The following DMRT2 variants were observed in gnomAD, a reference collection of about 807,000 sequenced individuals.
DMRT2 encodes the protein doublesex- and mab-3-related transcription factor 2.
In DMRT2, 33 loss-of-function variants were observed where a neutral mutation model predicts 43.5. That is an observed-to-expected ratio of 0.76 (90% CI 0.58 to 1.01). The LOEUF (loss-of-function observed/expected upper bound fraction) is 1.01. Ranked by LOEUF, DMRT2 falls within the 50% of genes least tolerant of loss-of-function variation. DMRT2 has a pLI of 0.00. For synonymous variants in DMRT2, 395 were observed against 309.2 expected (o/e 1.28, Z -2.91); for missense variants, 1,064 against 748.0 (o/e 1.42, Z -4.93).
Position 1,051,391 on chromosome 9 carries a change from T to A in DMRT2, c.-44-179T>A, listed in dbSNP as rs1821562580. On this transcript the variant is annotated intron_variant, in intron 1 of 3. Coordinates refer to ENST00000358146, the MANE Select transcript of DMRT2 (RefSeq NM_181872.6). This position sits in a 1 kb window ranked among gnomAD's most constrained non-coding sequence, Gnocchi z 5.9. The stretch of plus-strand genomic sequence containing the variant: ...AATAAAACCTTTGTTGGGTTGTGGA[T>A]CCCTGGGGGCCCTGGAGATACAGGA... Among the ~76,000 whole-genome samples the A allele has an allele frequency of 6.6e-6, 1 of 152,092 alleles. No individual in the cohort carries two copies. Among genetic ancestry groups the A allele is most frequent in the Non-Finnish European group, 1.5e-5 (1 of 68,000 alleles).
At position 1,052,288 on chromosome 9, in the gene DMRT2, C is replaced by T. The variant is rs188689675; in HGVS notation, c.525+150C>T. 116 of 540,434 alleles carry T rather than the reference C, an allele frequency of 2.1e-4. No homozygotes were observed. The East Asian group carries it at 4.0e-3, about 19-fold the overall frequency. 33.5% of individuals were successfully genotyped at this position (540,434 alleles called of 1,614,324 possible). A position where few individuals can be genotyped will look rare whatever the true frequency, so the allele number is the denominator to read the frequency against. On this transcript the variant is annotated intron_variant, in intron 2 of 3. Transcript: ENST00000358146. ...GATGGTAAGAACGCTTTTCTGCTTG[C>T]ACTGGCGAGCAGGGTCGGGAGGGAA...
intron 2 of DMRT2, chr9:1,053,241 T>A (rs1485537988): frequency 2.0e-5 from 3 of 153,532 alleles, no homozygotes; most frequent in African/African-American, 7.2e-5. Flanking sequence ...CATCTCTTCA[T>A]TCCCCTATCA....
chr9:1,056,508 T>G lies in DMRT2; in HGVS notation c.921T>G (p.Leu307=). The change falls in exon 4 of 4, where the codon CTT becomes CTG. Residue 307 remains leucine, a synonymous_variant. Transcript: ENST00000358146. The part of the protein sequence containing the change: ...KDFCNFLPTC[L]DLTMQYSGSG... ...TCTGTAATTTTTTGCCCACCTGCCT[T>G]GATTTAACCATGCAGTATTCAGGGT... The G allele has an allele frequency of 6.2e-7, 1 of 1,614,206 alleles. No homozygotes were observed. The highest frequency in any genetic ancestry group is 1.3e-5 in the African/African-American group (1 of 75,050).
chr9:1,052,183 G>C (rs1458155944), intron 2 of DMRT2, 45 bp downstream of exon 2: 7 of 1,307,522 alleles, frequency 5.4e-6, no homozygotes, highest in Non-Finnish European at 1.9e-6. Context: ...CAGTGGAGGT[G>C]GGGGAGTTGG....
chr9:1,056,611 T>A lies in DMRT2; in HGVS notation c.1024T>A (p.Leu342Ile). ...ACAGTATCCCTTGTCCTCAAGATTT[T>A]TAGTTTGGCCCAAGTGTGGCCCCAT... ...YRQYPLSSRF[L>I]VWPKCGPISD... The change falls in exon 4 of 4, where the codon TTA (leucine) becomes ATA (isoleucine). Residue 342 changes from leucine to isoleucine, a missense_variant. Physicochemically the swap from Leu to Ile is conservative, Grantham distance 5 (BLOSUM62 2). Coordinates refer to ENST00000358146, the MANE Select transcript of DMRT2 (RefSeq NM_181872.6). 6.2e-7 allele frequency: 1 copy of A among 1,614,176 alleles called. No homozygotes were observed. Among genetic ancestry groups the A allele is most frequent in the Non-Finnish European group, 8.5e-7 (1 of 1,180,036 alleles).
chr9:1,053,863 G>T, intron 3 of DMRT2, 39 bp downstream of exon 3: 1 of 1,515,500 alleles, frequency 6.6e-7, no homozygotes, highest in Non-Finnish European at 9.2e-7. Flanking sequence ...TTTAAACAGA[G>T]TTGAGTGACT....
rs758237833 is a variant in DMRT2 at position 1,056,953 on chromosome 9, A to T, written c.1366A>T (p.Ser456Cys). ...AAQGHVLTKISKENTRHPLPL... is the reference protein window; with the variant it reads ...AAQGHVLTKICKENTRHPLPL... ...TCAAGGGCATGTCTTAACGAAGATC[A>T]GCAAAGAAAACACCAGGCACCCTCT... Residue 456 changes from serine to cysteine, a missense_variant, in exon 4 of 4, where the codon AGC becomes TGC. Ser to Cys is a moderately radical substitution (Grantham distance 112, BLOSUM62 -1). Coordinates refer to ENST00000358146, the MANE Select transcript of DMRT2 (RefSeq NM_181872.6). The T allele has an allele frequency of 1.9e-6, 3 of 1,614,214 alleles. No homozygotes were observed. The South Asian group carries it at 3.3e-5, about 18-fold the overall frequency.
rs776920272 is a variant in DMRT2, at chr9:1,051,687, A to G, written c.74A>G (p.Asp25Gly). The change falls in exon 2 of 4, where the codon GAC becomes GGC. Residue 25 changes from aspartate (D) to glycine (G), a missense_variant. Asp to Gly is a moderately conservative substitution (Grantham distance 94). Transcript: ENST00000358146. The surrounding 1 kb of genome is among the most constrained non-coding windows in gnomAD (Gnocchi z 5.9). ...GTCGAGAGCCTGGAGCTGGAAGAGG[A>G]CGTCTGCGGGGCGCCGCGGTCCACG... ...IDVESLELEE[D>G]VCGAPRSTPP... 3.2e-6 allele frequency: 5 copies of G among 1,563,634 alleles called. No individual in the cohort carries two copies. In the East Asian group the frequency reaches 1.2e-4, roughly 38 times the overall value.
chr9:1,052,035 T>A lies in DMRT2; in HGVS notation c.422T>A (p.Phe141Tyr), dbSNP rs1735788342. 1 of 1,474,866 alleles carries A rather than the reference T, an allele frequency of 6.8e-7. No individual in the cohort carries two copies. Among genetic ancestry groups the A allele is most frequent in the Non-Finnish European group, 8.9e-7 (1 of 1,119,556 alleles). The allele number at this position is 1,474,866 out of a possible 1,614,324, so 91.4% of individuals were successfully genotyped here. ...TCCTGCCTGAAGGGCCACAAGCGCT[T>A]CTGTCGCTGGCGCGACTGCCAGTGC... ...VVSCLKGHKR[F>Y]CRWRDCQCAN... Residue 141 changes from phenylalanine to tyrosine, a missense_variant, in exon 2 of 4, where the codon TTC (phenylalanine) becomes TAC (tyrosine). Phe to Tyr is a conservative substitution (Grantham distance 22, BLOSUM62 3). Coordinates refer to ENST00000358146, the MANE Select transcript of DMRT2 (RefSeq NM_181872.6).
chr9:1,055,708 C>G (rs1223938524), intron 3 of DMRT2: 1 of 1,455,760 alleles, frequency 6.9e-7, no homozygotes, highest in Non-Finnish European at 9.1e-7. Flanking sequence ...TTCTTTCTTT[C>G]TCTTTTTTCC....
chr9:1,056,786 G>T lies in DMRT2; in HGVS notation c.1199G>T (p.Gly400Val), dbSNP rs1364902520. 6.2e-7 allele frequency: 1 copy of T among 1,614,122 alleles called. No individual in the cohort carries two copies. The highest frequency in any genetic ancestry group is 8.5e-7 in the Non-Finnish European group (1 of 1,180,026). Residue 400 changes from glycine to valine, a missense_variant, in exon 4 of 4, where the codon GGT (glycine) becomes GTT (valine). Transcript: ENST00000358146. ...GACATGATGCCATCGAAATTGGAAG[G>T]TTCCCTGGTGCTGCCTCACACTCCT... ...EQDMMPSKLE[G>V]SLVLPHTPEI...
chr9:1,051,814 G>T lies in DMRT2; in HGVS notation c.201G>T (p.Glu67Asp). Residue 67 changes from glutamate to aspartate, a missense_variant, in exon 2 of 4, where the codon GAG becomes GAT. Physicochemically the swap from Glu to Asp is conservative, Grantham distance 45. Transcript: ENST00000358146. This position sits in a 1 kb window ranked among gnomAD's most constrained non-coding sequence, Gnocchi z 5.9. ...CGGAAGAAGAGGGCGACGGCGAGGA[G>T]GCAGGCGCGTCCCCCGGGATGCCCG... ...EDAEEEGDGE[E>D]AGASPGMPGQ... 6.8e-7 allele frequency: 1 copy of T among 1,474,962 alleles called. No individual in the cohort carries two copies. Among genetic ancestry groups the T allele is most frequent in the African/African-American group, 1.5e-5 (1 of 67,830 alleles). The allele number at this position is 1,474,962 out of a possible 1,614,324, so 91.4% of individuals were successfully genotyped here. A position where few individuals can be genotyped will look rare whatever the true frequency, so the allele number is the denominator to read the frequency against.
At chr9:1,053,966 C>A in intron 3 of DMRT2, 142 bp downstream of exon 3, 1 of 635,716 alleles carries the variant, frequency 1.6e-6, no homozygotes, top group Non-Finnish European at 2.6e-6. Context: ...TTTAGGTGTT[C>A]GCTGAGCCCG....
intron 2 of DMRT2, 29 bp from the exon 3 acceptor site, chr9:1,053,693 A>C: frequency 6.3e-7 from 1 of 1,590,268 alleles, no homozygotes. Flanking sequence ...CTTTCAGGGC[A>C]TTATTGATGA....
chr9:1,056,974 C>T lies in DMRT2; in HGVS notation c.1387C>T (p.Pro463Ser). ...TKISKENTRH[P>S]LPLRHNPFHS... ...GATCAGCAAAGAAAACACCAGGCACCCTCTGCCACTTAGACATAATCCATT... is the reference window on the plus strand; with the variant it reads ...GATCAGCAAAGAAAACACCAGGCACTCTCTGCCACTTAGACATAATCCATT... Residue 463 changes from proline to serine, a missense_variant, in exon 4 of 4, where the codon CCT (proline) becomes TCT (serine). Pro to Ser is a moderately conservative substitution (Grantham distance 74). Coordinates refer to ENST00000358146, the MANE Select transcript of DMRT2 (RefSeq NM_181872.6). The T allele has an allele frequency of 1.2e-6, 2 of 1,614,160 alleles. No homozygotes were observed. Among genetic ancestry groups the T allele is most frequent in the Non-Finnish European group, 1.7e-6 (2 of 1,180,034 alleles).
intron 2 of DMRT2, among the ~76,000 whole-genome samples, chr9:1,053,431 C>A (rs933457622): frequency 3.3e-5 from 5 of 152,238 alleles, no homozygotes; most frequent in Non-Finnish European, 7.3e-5. Flanking sequence ...TCCGGGATGT[C>A]CCCTCACTTC....
chr9:1,056,749 A>G lies in DMRT2; in HGVS notation c.1162A>G (p.Ser388Gly), dbSNP rs753096035. 1.2e-6 allele frequency: 2 copies of G among 1,614,166 alleles called. No individual in the cohort carries two copies. Among genetic ancestry groups the G allele is most frequent in the Non-Finnish European group, 1.7e-6 (2 of 1,180,022 alleles). The change falls in exon 4 of 4, where the codon AGT becomes GGT. Residue 388 changes from serine (S) to glycine (G), a missense_variant. Transcript: ENST00000358146. ...LKGARVQDGL[S>G]AEQDMMPSKL... is the part of the protein sequence containing the mutation. ...GGGAGCACGAGTCCAGGATGGACTC[A>G]GTGCAGAGCAGGACATGATGCCATC...
At position 1,051,770 on chromosome 9, in the gene DMRT2, G is replaced by C. The variant is rs924517316; in HGVS notation, c.157G>C (p.Asp53His). The C allele has an allele frequency of 8.6e-6, 13 of 1,519,368 alleles. No homozygotes were observed. The highest frequency in any genetic ancestry group is 6.2e-5 in the Admixed American group (3 of 48,098). 94.1% of individuals were successfully genotyped at this position (1,519,368 alleles called of 1,614,324 possible). Residue 53 changes from aspartate (D) to histidine (H), a missense_variant, in exon 2 of 4, where the codon GAC (aspartate) becomes CAC (histidine). Transcript: ENST00000358146. The surrounding 1 kb of genome is among the most constrained non-coding windows in gnomAD (Gnocchi z 5.9). ...GGACTGCGAGGACGACGAAGATGAC[G>C]ACGGGGTGGACGAAGACGCGGAAGA... ...DGDCEDDEDD[D>H]GVDEDAEEEG...
chr9:1,056,850 G>T lies in DMRT2; in HGVS notation c.1263G>T (p.Gln421His), dbSNP rs1822032129. The T allele has an allele frequency of 6.2e-7, 1 of 1,614,088 alleles. No homozygotes were observed. The highest frequency in any genetic ancestry group is 8.5e-7 in the Non-Finnish European group (1 of 1,180,026). ...QTTRSDLQGH[Q>H]AVPERSAFSP... ...CGAGAAGTGACCTTCAGGGTCATCA[G>T]GCTGTCCCAGAGAGGTCCGCGTTCT... Residue 421 changes from glutamine (Q) to histidine (H), a missense_variant, in exon 4 of 4, where the codon CAG becomes CAT. Gln to His is a conservative substitution (Grantham distance 24). Coordinates refer to ENST00000358146, the MANE Select transcript of DMRT2 (RefSeq NM_181872.6).
Sources: allele counts gnomAD v4.1 joint callset (sites outside exome capture counted in the v4.1 genomes callset), GRCh38; gene constraint gnomAD v4.1.1; non-coding constraint Gnocchi (gnomAD v3.1); transcripts MANE v1.5; gene names NCBI Gene and HGNC (gene_info 2026-07-23, HGNC 2026-07-21).